The following CFAP74 variants were observed in gnomAD, a reference collection of about 807,000 sequenced individuals.
CFAP74 encodes the protein cilia- and flagella-associated protein 74.
In CFAP74, 124 loss-of-function variants were observed where a neutral mutation model predicts 188.9. The ratio of observed to expected loss-of-function variants is 0.66; its 90% CI spans 0.57 to 0.76. CFAP74 has a LOEUF of 0.76. Among genes scored for constraint, CFAP74 ranks in the 30% least tolerant of loss-of-function variants. The probability of loss-of-function intolerance (pLI) is 0.00; values close to 1 mark genes in which losing one functional copy is unlikely to be tolerated. For synonymous variants in CFAP74, 956 were observed against 916.7 expected, an observed-to-expected ratio of 1.04 and a Z score of -0.77; for missense variants, 2,198 against 2,165.2, an observed-to-expected ratio of 1.02 and a Z score of -0.30.
rs1423539765 is a variant in CFAP74 at position 1,923,129 on chromosome 1, GC to G, written c.4538del (p.Gly1513AlafsTer10). ...PRHREASSRP[G>X]PLSPEAEELR... Reference sequence around the variant, plus strand: ...GCTCCTCAGCTTCTGGAGAGAGAGGGCCTGGCCGGGAGCTGGCTGGAGGGGT... The same window carrying G: ...GCTCCTCAGCTTCTGGAGAGAGAGGGCTGGCCGGGAGCTGGCTGGAGGGGT... On this transcript the variant is annotated frameshift_variant, in exon 37 of 39. Transcript: ENST00000682832. LOFTEE classifies it high-confidence loss of function. This position sits in a 1 kb window ranked among gnomAD's most constrained non-coding sequence, Gnocchi z 6.3. The G allele has an allele frequency of 6.2e-7, 1 of 1,609,008 alleles. No individual in the cohort carries two copies. The highest frequency in any genetic ancestry group is 1.3e-5 in the African/African-American group (1 of 74,646).
At chr1:1,951,888 CA>C (rs2102057039) in intron 18 of CFAP74, among the ~76,000 whole-genome samples, 1 of 152,198 alleles carries the variant, frequency 6.6e-6, no homozygotes, top group Non-Finnish European at 1.5e-5. Context: ...CTGTGTGATG[CA>C]AACCGCCTCA....
chr1:1,970,929 G>GCA lies in CFAP74; in HGVS notation c.889-115_889-114dup, dbSNP rs554779029. On this transcript the variant is annotated intron_variant, in intron 9 of 38. Transcript: ENST00000682832. The stretch of plus-strand genomic sequence containing the variant: ...CATACATGCACACGTGCACACACGT[G>GCA]CACACACACATGCACACCTGCACAT... 4,497 of 1,308,002 alleles carry GCA rather than the reference G, an allele frequency of 3.4e-3. 153 individuals carry two copies. The East Asian group carries it at 0.072, about 21-fold the overall frequency. 81.0% of individuals were successfully genotyped at this position (1,308,002 alleles called of 1,614,324 possible).
intron 6 of CFAP74, chr1:1,985,107 G>C (rs1001494839): frequency 8.1e-6 from 3 of 370,878 alleles, no homozygotes; most frequent in Non-Finnish European, 1.5e-5. Flanking sequence ...AACCCAGCTC[G>C]CTGTTCTGTG....
chr1:1,938,084 C>T (rs939312622), intron 25 of CFAP74, among the ~76,000 whole-genome samples: 1 of 149,250 alleles, frequency 6.7e-6, no homozygotes, highest in Non-Finnish European at 1.5e-5. Flanking sequence ...CACACACGCA[C>T]TCACACTCAA....
At chr1:1,993,107 C>A (rs28674034) in intron 1 of CFAP74, among the ~76,000 whole-genome samples, 83,591 of 148,488 alleles carry the variant, frequency 0.56, 26,058 homozygotes, top group African/African-American at 0.85. Context: ...AGGCTGAGGC[C>A]CGAGAATTGC....
At chr1:1,988,840 C>T (rs1226190523) in intron 3 of CFAP74, 49 bp downstream of exon 3, 2 of 390,218 alleles carry the variant, frequency 5.1e-6, no homozygotes, top group African/African-American at 4.8e-5. Flanking sequence ...ACCCCCACCC[C>T]CACCCCCACC....
In CFAP74 at chr1:1,947,276, A is replaced by T. The variant is rs566587852; in HGVS notation, c.2177-222T>A. On this transcript the variant is annotated intron_variant, in intron 18 of 38. Coordinates refer to ENST00000682832, the MANE Select transcript of CFAP74 (RefSeq NM_001304360.2). Reference sequence around the variant, plus strand: ...GGGCTTTGGAAGCCCTTTCCCAAAGACCCCCATTTTCTCACGACCTGTTGG... The same window carrying T: ...GGGCTTTGGAAGCCCTTTCCCAAAGTCCCCCATTTTCTCACGACCTGTTGG... Among the ~76,000 whole-genome samples the T allele has an allele frequency of 8.5e-5, 13 of 152,120 alleles. No homozygotes were observed. The East Asian group carries it at 2.5e-3, about 29-fold the overall frequency.
At chr1:1,947,241 C>A (rs147805308) in intron 18 of CFAP74, among the ~76,000 whole-genome samples, 187 bp from the exon 19 acceptor site, 2 of 152,378 alleles carry the variant, frequency 1.3e-5, no homozygotes, top group East Asian at 3.9e-4. Context: ...CAGTCCCCAC[C>A]GTGCCCGGAG....
At chr1:1,961,249 G>T (rs1335906408) in intron 14 of CFAP74, among the ~76,000 whole-genome samples, 1 of 152,134 alleles carries the variant, frequency 6.6e-6, no homozygotes, top group Non-Finnish European at 1.5e-5. Context: ...GGGAGCTGGG[G>T]CTGAGAAGTT....
At chr1:1,933,866 G>A (rs911173094) in intron 25 of CFAP74, among the ~76,000 whole-genome samples, 5 of 152,294 alleles carry the variant, frequency 3.3e-5, no homozygotes, top group African/African-American at 4.8e-5. Flanking sequence ...TGAAAAGGAA[G>A]CTTAGATGGT....
intron 27 of CFAP74, among the ~76,000 whole-genome samples, chr1:1,928,251 T>G (rs2803350): frequency 0.35 from 9,583 of 27,702 alleles, 357 homozygotes; most frequent in East Asian, 0.44. Flanking sequence ...GGGCAAACCC[T>G]TGGGAGGAAG....
intron 32 of CFAP74, 120 bp downstream of exon 32, chr1:1,926,108 C>T (rs1424986803): frequency 1.1e-5 from 15 of 1,426,772 alleles, no homozygotes; most frequent in African/African-American, 1.4e-5. Flanking sequence ...CCAGGCTGCT[C>T]GCAGACCCAG....
intron 15 of CFAP74, among the ~76,000 whole-genome samples, chr1:1,959,686 A>G (rs573484333): frequency 2.0e-5 from 3 of 152,236 alleles, no homozygotes; most frequent in African/African-American, 4.8e-5. Flanking sequence ...GGAGGGCTGG[A>G]CACTAGCTTC....
intron 8 of CFAP74, 120 bp downstream of exon 8, chr1:1,972,817 G>T: frequency 1.3e-6 from 1 of 758,102 alleles, no homozygotes; most frequent in Non-Finnish European, 2.2e-6. Context: ...ACCCCAGCCT[G>T]GGCGACAGAG....
In CFAP74 at chr1:1,922,672, A is replaced by C. The variant is rs1354631776; in HGVS notation, c.4735T>G (p.Ser1579Ala). 6.2e-7 allele frequency: 1 copy of C among 1,600,644 alleles called. No homozygotes were observed. The highest frequency in any genetic ancestry group is 1.3e-5 in the African/African-American group (1 of 74,716). The change falls in exon 38 of 39, where the codon TCT becomes GCT. Residue 1579 changes from serine (S) to alanine (A), a missense_variant. Coordinates refer to ENST00000682832, the MANE Select transcript of CFAP74 (RefSeq NM_001304360.2). ...SVASLQHKGF[S>A]IEPSRGSVER... ...ACGGAGCCCCTGGAGGGCTCAATAGAGAAACCCTTGTGCTGCAGGGATGCG... is the reference window on the plus strand; with the variant it reads ...ACGGAGCCCCTGGAGGGCTCAATAGCGAAACCCTTGTGCTGCAGGGATGCG...
chr1:1,932,124 C>T (rs565301530), intron 25 of CFAP74, among the ~76,000 whole-genome samples: 7 of 148,072 alleles, frequency 4.7e-5, no homozygotes, highest in Admixed American at 1.4e-4. Context: ...AGGCCGGGCG[C>T]GGTGGCTCAC....
chr1:1,937,812 C>T (rs923802907), intron 25 of CFAP74, among the ~76,000 whole-genome samples: 73 of 152,244 alleles, frequency 4.8e-4, no homozygotes, highest in Non-Finnish European at 9.6e-4. Context: ...GCTGGTCGCA[C>T]AAGACCTCAG....
intron 25 of CFAP74, among the ~76,000 whole-genome samples, chr1:1,930,896 A>G (rs1211321728): frequency 6.6e-6 from 1 of 152,212 alleles, no homozygotes; most frequent in Non-Finnish European, 1.5e-5. Flanking sequence ...ACCATCTATT[A>G]AAAAGAGGCC....
At chr1:1,990,315 T>C (rs2102108108) in intron 2 of CFAP74, among the ~76,000 whole-genome samples, 1 of 149,598 alleles carries the variant, frequency 6.7e-6, no homozygotes, top group Non-Finnish European at 1.5e-5. Context: ...CTTCCCTTCA[T>C]TAAATCTCAG....
Sources: allele counts gnomAD v4.1 joint callset (sites outside exome capture counted in the v4.1 genomes callset), GRCh38; gene constraint gnomAD v4.1.1; non-coding constraint Gnocchi (gnomAD v3.1); transcripts MANE v1.5; gene names NCBI Gene and HGNC (gene_info 2026-07-23, HGNC 2026-07-21).